ITK: variants seen among roughly 807,000 people sequenced by gnomAD.
The protein encoded by ITK is tyrosine-protein kinase ITK/TSK.
Under a neutral mutation model 87.6 loss-of-function variants are expected in ITK, and 45 were observed. That is an observed-to-expected ratio of 0.51 (90% confidence interval 0.40 to 0.66). The LOEUF is 0.66. Among genes scored for constraint, ITK ranks in the 30% least tolerant of loss-of-function variants. ITK has a pLI of 0.00. For synonymous variants in ITK, 303 were observed against 273.6 expected, an observed-to-expected ratio of 1.11 and a Z score of -1.06; for missense variants, 605 against 766.3, an observed-to-expected ratio of 0.79 and a Z score of 2.48.
intron 1 of ITK, among the ~76,000 whole-genome samples, chr5:157,187,683 G>T (rs1313578476): frequency 6.6e-6 from 1 of 152,138 alleles, no homozygotes; most frequent in African/African-American, 2.4e-5. Context: ...TAGCAGGAGG[G>T]CCGGGTCCCA....
intron 6 of ITK, among the ~76,000 whole-genome samples, chr5:157,227,517 T>A (rs778201734): frequency 2.5e-4 from 38 of 152,222 alleles, no homozygotes; most frequent in Admixed American, 8.5e-4. Context: ...TGCCAACTGG[T>A]AGTGTCTTTT....
Position 157,241,376 on chromosome 5 carries a change from T to C in ITK, c.986-270T>C, listed in dbSNP as rs947268053. 1.6e-5 allele frequency: 3 copies of C among 192,762 alleles called. 1 individual carries two copies. The highest frequency in any genetic ancestry group is 5.7e-5 in the Admixed American group (1 of 17,526). The allele number at this position is 192,762 out of a possible 1,614,324, so 11.9% of individuals were successfully genotyped here. Reference sequence around the variant, plus strand: ...TATAAATAATAAATAAATATACAAATAGAAAAATATGACAAATATTTAATT... The same window carrying C: ...TATAAATAATAAATAAATATACAAACAGAAAAATATGACAAATATTTAATT... On this transcript the variant is annotated intron_variant, in intron 10 of 16. Coordinates refer to ENST00000422843, the MANE Select transcript of ITK (RefSeq NM_005546.4).
In ITK at chr5:157,246,073, C is replaced by CA. The variant is rs1755015238; in HGVS notation, c.1633+76dup. 6.0e-6 allele frequency: 6 copies of CA among 1,007,612 alleles called. No homozygotes were observed. The Admixed American group carries it at 8.4e-5, about 14-fold the overall frequency. 62.4% of individuals were successfully genotyped at this position (1,007,612 alleles called of 1,614,324 possible). ...AGCTGTTTCCTTTATCAAATGCAGA[C>CA]AACCCTACCCACACTGAACCCTGTA... On this transcript the variant is annotated intron_variant, in intron 15 of 16. Coordinates refer to ENST00000422843, the MANE Select transcript of ITK (RefSeq NM_005546.4).
At chr5:157,224,623 T>C (rs1218755023) in intron 6 of ITK, among the ~76,000 whole-genome samples, 1 of 151,946 alleles carries the variant, frequency 6.6e-6, no homozygotes, top group Non-Finnish European at 1.5e-5. Flanking sequence ...CTACTAAAAA[T>C]ACAAGAAATT....
At chr5:157,208,829 A>G in intron 1 of ITK, 60 bp from the exon 2 acceptor site, 1 of 1,221,844 alleles carries the variant, frequency 8.2e-7, no homozygotes. Context: ...TTCTGGAGCA[A>G]TCTGGACAAA....
intron 1 of ITK, chr5:157,199,510 C>G (rs186736175): frequency 1.1e-4 from 17 of 152,298 alleles, no homozygotes; most frequent in Admixed American, 1.1e-3. Context: ...CTCTGCGAGT[C>G]CATGGCTTGG....
At position 157,226,863 on chromosome 5, in the gene ITK, G is replaced by A. The variant is rs577540154; in HGVS notation, c.648-1433G>A. On this transcript the variant is annotated intron_variant, in intron 6 of 16. Transcript: ENST00000422843. The stretch of plus-strand genomic sequence containing the variant: ...CACCCAGGCCAGAGTGCAGTGGCAC[G>A]ATCTCAGCTCATGGCAACCTCCACA... Among the ~76,000 whole-genome samples, 5 of 152,156 alleles carry A rather than the reference G, an allele frequency of 3.3e-5. No individual in the cohort carries two copies. The East Asian group carries it at 5.8e-4, about 18-fold the overall frequency.
At position 157,233,964 on chromosome 5, in the gene ITK, T is replaced by TATATATATATA. The variant is rs1491125187; in HGVS notation, c.768+1570_768+1571insATATATATATA. On this transcript the variant is annotated intron_variant, in intron 8 of 16. Coordinates refer to ENST00000422843, the MANE Select transcript of ITK (RefSeq NM_005546.4). ...ATATATATATATATATATATATATA[T>TATATATATATA]TTTTTTTTTTTTTTTTTTTTTTTTT... Among the ~76,000 whole-genome samples, 124 of 16,778 alleles carry TATATATATATA rather than the reference T, an allele frequency of 7.4e-3. 2 individuals carry two copies. Among genetic ancestry groups the TATATATATATA allele is most frequent in the East Asian group, 0.022 (6 of 276 alleles). The allele number at this position is 16,778 out of a possible 152,430, so 11.0% of individuals were successfully genotyped here.
chr5:157,197,727 G>C (rs147334827), intron 1 of ITK, among the ~76,000 whole-genome samples: 1 of 152,150 alleles, frequency 6.6e-6, no homozygotes. Flanking sequence ...AATGGTTACA[G>C]AGTAGTCATT....
chr5:157,195,961 C>G (rs1753849331), intron 1 of ITK: 1 of 152,140 alleles, frequency 6.6e-6, no homozygotes, highest in Non-Finnish European at 1.5e-5. Flanking sequence ...AACAGTGGTT[C>G]TCAACCAAAG....
At chr5:157,228,007 G>T (rs916703764) in intron 6 of ITK, among the ~76,000 whole-genome samples, 34 of 150,614 alleles carry the variant, frequency 2.3e-4, no homozygotes, top group Admixed American at 1.9e-3. Context: ...ATTTTTTTGT[G>T]TGTGTGTAGT....
At position 157,254,040 on chromosome 5, in the gene ITK, T is replaced by TTC. The variant is rs1378871195; in HGVS notation, c.*1362_*1363insTC. 1 of 226,214 alleles carries TTC rather than the reference T, an allele frequency of 4.4e-6. No individual in the cohort carries two copies. The highest frequency in any genetic ancestry group is 8.8e-6 in the Non-Finnish European group (1 of 113,724). 14.0% of individuals were successfully genotyped at this position (226,214 alleles called of 1,614,324 possible). The stretch of plus-strand genomic sequence containing the variant: ...TGCCCAAAGTGATGGAACTAGAAAG[T>TTC]CTAGAGCTGGTATTCTAGCCCAAAT... On this transcript the variant is annotated 3_prime_UTR_variant, in exon 17 of 17. Coordinates refer to ENST00000422843, the MANE Select transcript of ITK (RefSeq NM_005546.4).
At chr5:157,223,921 C>CTT (rs1299062650) in intron 6 of ITK, among the ~76,000 whole-genome samples, 1 of 152,194 alleles carries the variant, frequency 6.6e-6, no homozygotes, top group Non-Finnish European at 1.5e-5. Context: ...TTTTACTTAA[C>CTT]TAACAGTAGA....
At chr5:157,246,070 A>C in intron 15 of ITK, 71 bp downstream of exon 15, 2 of 1,050,346 alleles carry the variant, frequency 1.9e-6, no homozygotes, top group Non-Finnish European at 3.0e-6. Flanking sequence ...TATCAAATGC[A>C]GACAACCCTA....
At chr5:157,222,817 C>T in intron 5 of ITK, 46 bp from the exon 6 acceptor site, 1 of 1,609,608 alleles carries the variant, frequency 6.2e-7, no homozygotes, top group Non-Finnish European at 8.5e-7. Flanking sequence ...GGCATTTTAC[C>T]TCCTTTTTTA....
chr5:157,225,002 T>G (rs572678239), intron 6 of ITK, among the ~76,000 whole-genome samples: 41 of 152,000 alleles, frequency 2.7e-4, no homozygotes, highest in African/African-American at 9.9e-4. Context: ...AGTTTTCCTT[T>G]TCTTTTTTTT....
In ITK at chr5:157,248,845, T is replaced by C. The variant is rs754408834; in HGVS notation, c.1634-5T>C. On this transcript the variant is annotated splice_region_variant and splice_polypyrimidine_tract_variant and intron_variant, in intron 15 of 16. Transcript: ENST00000422843. ...TCACTGTGCTGTGCTCACCATTTCT[T>C]GTAGGTGTGCTGATGTGGGAAGTTT... 1 of 1,613,940 alleles carries C rather than the reference T, an allele frequency of 6.2e-7. No individual in the cohort carries two copies. The highest frequency in any genetic ancestry group is 1.3e-5 in the African/African-American group (1 of 75,024).
intron 2 of ITK, among the ~76,000 whole-genome samples, chr5:157,210,584 T>C (rs1754170417): frequency 6.6e-6 from 1 of 151,686 alleles, no homozygotes; most frequent in South Asian, 2.1e-4. Context: ...AGGGTACATG[T>C]GCACATTGTG....
intron 2 of ITK, among the ~76,000 whole-genome samples, chr5:157,210,234 A>G (rs1402413398): frequency 2.0e-5 from 3 of 152,114 alleles, no homozygotes; most frequent in African/African-American, 4.8e-5. Flanking sequence ...GTCCTTGTAT[A>G]TGAATCTTGG....
Sources: allele counts gnomAD v4.1 joint callset (sites outside exome capture counted in the v4.1 genomes callset), GRCh38; gene constraint gnomAD v4.1.1; transcripts MANE v1.5; gene names NCBI Gene and HGNC (gene_info 2026-07-23, HGNC 2026-07-21).